The following LGMN variants were observed in gnomAD, a reference collection of about 807,000 sequenced individuals.
LGMN encodes legumain, also known as asparaginyl endopeptidase.
LGMN carries 36 observed loss-of-function variants against 56.8 expected under a neutral mutation model. That is an observed-to-expected ratio of 0.63 (90% CI 0.49 to 0.84). LGMN has a LOEUF of 0.84. LGMN is among the 40% of genes least tolerant of loss of function. LGMN has a pLI of 0.00. For missense variants in LGMN, 446 were observed against 556.1 expected, an observed-to-expected ratio of 0.80 and a Z score of 1.99; for synonymous variants, 199 against 210.1, an observed-to-expected ratio of 0.95 and a Z score of 0.46.
chr14:92,722,669 GAA>G (rs1890539869), intron 2 of LGMN, among the ~76,000 whole-genome samples: 1 of 152,110 alleles, frequency 6.6e-6, no homozygotes, highest in South Asian at 2.1e-4. Context: ...TTAAAAAAAT[GAA>G]AAGACAAGCA....
At chr14:92,738,737 A>G (rs1891417145) in intron 1 of LGMN, among the ~76,000 whole-genome samples, 1 of 151,092 alleles carries the variant, frequency 6.6e-6, no homozygotes, top group Non-Finnish European at 1.5e-5. Flanking sequence ...AACCACATAC[A>G]TGGCCGGGCA....
chr14:92,725,480 G>A (rs968228761), intron 2 of LGMN, among the ~76,000 whole-genome samples: 1 of 152,192 alleles, frequency 6.6e-6, no homozygotes, highest in African/African-American at 2.4e-5. Context: ...GGAGTTTGAG[G>A]TTGCAGTGAG....
intron 10 of LGMN, among the ~76,000 whole-genome samples, chr14:92,710,493 G>A (rs577875720): frequency 4.9e-4 from 74 of 152,340 alleles, no homozygotes; most frequent in South Asian, 2.7e-3. Flanking sequence ...GGGCACAGCG[G>A]CCAGGCTCGA....
At chr14:92,704,748 C>CA (rs1373441238) in intron 12 of LGMN, 41 bp from the exon 13 acceptor site, 1 of 1,507,550 alleles carries the variant, frequency 6.6e-7, no homozygotes. Context: ...TTCCTCATCT[C>CA]ACCACACAAT....
intron 11 of LGMN, among the ~76,000 whole-genome samples, chr14:92,708,990 C>T (rs1889595288): frequency 6.6e-6 from 1 of 152,088 alleles, no homozygotes; most frequent in South Asian, 2.1e-4. Flanking sequence ...ACAGGCAGCC[C>T]TCTGCCCAGC....
At chr14:92,733,750 T>C (rs55885682) in intron 1 of LGMN, 23,159 of 152,128 alleles carry the variant, frequency 0.15, 2,086 homozygotes, top group Non-Finnish European at 0.19. Context: ...GAGGTTGCAG[T>C]GAGCCAAGAT....
intron 2 of LGMN, among the ~76,000 whole-genome samples, chr14:92,730,517 C>A (rs1251285324): frequency 6.6e-6 from 1 of 152,144 alleles, no homozygotes. Context: ...GCCTTAAATT[C>A]CTGGGCTCAA....
intron 1 of LGMN, among the ~76,000 whole-genome samples, chr14:92,733,023 C>T (rs143622820): frequency 1.5e-3 from 225 of 152,012 alleles, no homozygotes; most frequent in African/African-American, 4.9e-3. Flanking sequence ...GTAGCACGTA[C>T]CTATAATCCC....
chr14:92,721,721 C>T (rs902132728), intron 2 of LGMN, among the ~76,000 whole-genome samples: 1 of 152,032 alleles, frequency 6.6e-6, no homozygotes, highest in African/African-American at 2.4e-5. Context: ...ACAGCAAAAG[C>T]CAAGAAATAA....
intron 1 of LGMN, among the ~76,000 whole-genome samples, chr14:92,745,115 T>G (rs974991547): frequency 6.6e-6 from 1 of 152,142 alleles, no homozygotes; most frequent in Non-Finnish European, 1.5e-5. Context: ...CTGGGCAAGA[T>G]AGTGAGACCC....
chr14:92,719,237 C>A (rs1473630296), intron 2 of LGMN, among the ~76,000 whole-genome samples: 681 of 19,720 alleles, frequency 0.035, 17 homozygotes, highest in African/African-American at 0.13. Context: ...ACCGCCACCG[C>A]CACCACCGCC....
chr14:92,719,248 A>G (rs1377612782), intron 2 of LGMN, among the ~76,000 whole-genome samples: 395 of 22,432 alleles, frequency 0.018, 2 homozygotes, highest in Non-Finnish European at 0.024. Flanking sequence ...CACCACCGCC[A>G]CCACCACCAC....
chr14:92,716,370 C>T (rs1455854781), intron 4 of LGMN, 149 bp from the exon 5 acceptor site: 6 of 656,176 alleles, frequency 9.1e-6, no homozygotes, highest in East Asian at 5.6e-5. Context: ...CCGTGGCTCA[C>T]GCCTGTAATC....
intron 3 of LGMN, among the ~76,000 whole-genome samples, 198 bp downstream of exon 3, chr14:92,718,549 G>A (rs547924870): frequency 1.4e-4 from 21 of 151,878 alleles, no homozygotes; most frequent in African/African-American, 4.8e-4. Flanking sequence ...ACTCCAGCCT[G>A]GGCAACAGAG....
chr14:92,713,277 A>T (rs995040770), intron 7 of LGMN, among the ~76,000 whole-genome samples: 2 of 151,826 alleles, frequency 1.3e-5, no homozygotes, highest in Admixed American at 1.3e-4. Context: ...ACACGGTCTC[A>T]CTATGTTGCC....
At chr14:92,746,353 C>A (rs1412568741) in intron 1 of LGMN, among the ~76,000 whole-genome samples, 1 of 151,988 alleles carries the variant, frequency 6.6e-6, no homozygotes, top group Non-Finnish European at 1.5e-5. Flanking sequence ...TGCAAAGCAA[C>A]TTGTGCAGTT....
intron 4 of LGMN, among the ~76,000 whole-genome samples, chr14:92,716,962 A>G (rs1446793298): frequency 1.3e-5 from 2 of 152,178 alleles, no homozygotes; most frequent in African/African-American, 4.8e-5. Context: ...ACACTATATA[A>G]TAAACTATAT....
intron 2 of LGMN, among the ~76,000 whole-genome samples, chr14:92,728,547 G>A (rs1032723622): frequency 1.1e-4 from 16 of 152,012 alleles, no homozygotes; most frequent in African/African-American, 3.4e-4. Context: ...TCGTGTATGC[G>A]GTCCATCACT....
chr14:92,704,565 T>TG, intron 13 of LGMN, 75 bp downstream of exon 13: 1 of 1,318,478 alleles, frequency 7.6e-7, no homozygotes, highest in Non-Finnish European at 1.1e-6. Flanking sequence ...AATGCCCACT[T>TG]GCAGAAGAGG....
Sources: allele counts gnomAD v4.1 joint callset (sites outside exome capture counted in the v4.1 genomes callset), GRCh38; gene constraint gnomAD v4.1.1; transcripts MANE v1.5; gene names NCBI Gene and HGNC (gene_info 2026-07-23, HGNC 2026-07-21).